Variants in NKAIN2 observed in about 807,000 individuals in gnomAD.
NKAIN2 encodes the protein sodium/potassium-transporting ATPase subunit beta-1-interacting protein 2.
Under a neutral mutation model 32.6 loss-of-function variants are expected in NKAIN2, and 14 were observed. That is an observed-to-expected ratio of 0.43 (90% CI 0.28 to 0.67). NKAIN2 has a LOEUF of 0.67. Among genes scored for constraint, NKAIN2 ranks in the 30% least tolerant of loss-of-function variants. The probability of loss-of-function intolerance (pLI) is 0.17; values close to 1 mark genes in which losing one functional copy is unlikely to be tolerated. For synonymous variants in NKAIN2, 80 were observed against 87.2 expected (o/e 0.92, Z 0.46); for missense variants, 198 against 258.3 (o/e 0.77, Z 1.60).
chr6:124,004,902 A>T (rs1042592256), intron 1 of NKAIN2, among the ~76,000 whole-genome samples: 1 of 46,246 alleles, frequency 2.2e-5, no homozygotes, highest in Non-Finnish European at 3.9e-5. Context: ...AAAGAAAGTA[A>T]AAAAAAAAAA....
chr6:124,470,322 G>T (rs1444472534), intron 3 of NKAIN2, among the ~76,000 whole-genome samples: 1 of 152,068 alleles, frequency 6.6e-6, no homozygotes, highest in East Asian at 1.9e-4. Flanking sequence ...ATTAACTCAA[G>T]ATAAATAATT....
intron 1 of NKAIN2, among the ~76,000 whole-genome samples, chr6:123,903,485 A>G (rs1240286597): frequency 1.3e-5 from 2 of 152,194 alleles, no homozygotes; most frequent in East Asian, 1.9e-4. Context: ...CCTTTTGTAT[A>G]TTCAAGTAGA....
At chr6:124,048,255 A>G (rs1782236208) in intron 1 of NKAIN2, among the ~76,000 whole-genome samples, 1 of 151,960 alleles carries the variant, frequency 6.6e-6, no homozygotes, top group African/African-American at 2.4e-5. Context: ...GGATCAAGCT[A>G]TTTTGGGGCT....
chr6:124,517,741 A>C (rs191115154), intron 3 of NKAIN2, among the ~76,000 whole-genome samples: 191 of 152,284 alleles, frequency 1.3e-3, no homozygotes, highest in African/African-American at 4.0e-3. Context: ...CTGAGTTTTT[A>C]AAATGTTAAT....
chr6:123,808,680 G>A (rs1306639229), intron 1 of NKAIN2, among the ~76,000 whole-genome samples: 2 of 152,150 alleles, frequency 1.3e-5, no homozygotes, highest in Non-Finnish European at 2.9e-5. Flanking sequence ...TAAAGGCTTG[G>A]ATGGGCAGCA....
intron 3 of NKAIN2, among the ~76,000 whole-genome samples, chr6:124,451,923 G>T (rs188783845): frequency 1.3e-5 from 2 of 151,344 alleles, no homozygotes; most frequent in Non-Finnish European, 3.0e-5. Flanking sequence ...GCTCGACATG[G>T]TGGCTCAAAG....
intron 1 of NKAIN2, among the ~76,000 whole-genome samples, chr6:124,077,716 C>A (rs1783756720): frequency 6.6e-6 from 1 of 151,852 alleles, no homozygotes; most frequent in African/African-American, 2.4e-5. Context: ...CTAGCCTCAG[C>A]CTGCCTCCCT....
chr6:124,016,299 A>G (rs1780570867), intron 1 of NKAIN2, among the ~76,000 whole-genome samples: 1 of 152,208 alleles, frequency 6.6e-6, no homozygotes, highest in Non-Finnish European at 1.5e-5. Context: ...AAGCAGTTGT[A>G]CTGTCAAAAA....
intron 1 of NKAIN2, among the ~76,000 whole-genome samples, chr6:123,986,977 A>C (rs1408657003): frequency 6.6e-6 from 1 of 152,212 alleles, no homozygotes; most frequent in Non-Finnish European, 1.5e-5. Flanking sequence ...GAGGACTATA[A>C]CGTGAATATC....
At chr6:124,464,934 A>G (rs777516782) in intron 3 of NKAIN2, among the ~76,000 whole-genome samples, 97 of 152,174 alleles carry the variant, frequency 6.4e-4, no homozygotes, top group Non-Finnish European at 4.9e-4. Flanking sequence ...TGGGGATAGC[A>G]TTGAATCTAT....
At position 124,700,053 on chromosome 6, in the gene NKAIN2, A is replaced by T. The variant is rs528537831; in HGVS notation, c.474+41667A>T. ...GCAGAATTCTCTGCTCAGAAAAAAT[A>T]CATAAAGAAGTGTGTATTTATAAAG... On this transcript the variant is annotated intron_variant, in intron 4 of 6. Coordinates refer to ENST00000368417, the MANE Select transcript of NKAIN2 (RefSeq NM_001040214.3). Among the ~76,000 whole-genome samples, 3 of 152,334 alleles carry T rather than the reference A, an allele frequency of 2.0e-5. No homozygotes were observed. In the East Asian group the frequency reaches 5.8e-4, roughly 29 times the overall value.
At chr6:123,932,813 T>G (rs1203675529) in intron 1 of NKAIN2, among the ~76,000 whole-genome samples, 1 of 152,000 alleles carries the variant, frequency 6.6e-6, no homozygotes, top group African/African-American at 2.4e-5. Context: ...TCCTTTCATT[T>G]TGCATCACCA....
At chr6:124,093,667 T>C (rs1784523902) in intron 1 of NKAIN2, among the ~76,000 whole-genome samples, 1 of 152,114 alleles carries the variant, frequency 6.6e-6, no homozygotes, top group Non-Finnish European at 1.5e-5. Context: ...TCATATGAAG[T>C]CTATGGTCCT....
At chr6:124,644,549 C>A (rs1396152762) in intron 3 of NKAIN2, among the ~76,000 whole-genome samples, 2 of 152,002 alleles carry the variant, frequency 1.3e-5, no homozygotes, top group Non-Finnish European at 2.9e-5. Context: ...GGACTACAGG[C>A]ATGTGGCACC....
intron 1 of NKAIN2, among the ~76,000 whole-genome samples, chr6:124,251,295 A>G (rs956647154): frequency 6.6e-6 from 1 of 152,030 alleles, no homozygotes; most frequent in African/African-American, 2.4e-5. Flanking sequence ...AAACTAAAAA[A>G]TGGAAAAATA....
intron 3 of NKAIN2, among the ~76,000 whole-genome samples, chr6:124,384,880 C>T (rs1772824484): frequency 6.6e-6 from 1 of 152,256 alleles, no homozygotes; most frequent in East Asian, 1.9e-4. Context: ...GCTTCAGCCT[C>T]CTAAAGTGCT....
chr6:124,454,712 C>G (rs931373797), intron 3 of NKAIN2, among the ~76,000 whole-genome samples: 10 of 151,988 alleles, frequency 6.6e-5, no homozygotes, highest in Non-Finnish European at 1.2e-4. Flanking sequence ...CTGAGTTGTT[C>G]TGCTAGGAAT....
chr6:124,422,116 TTATGGTA>T (rs1774781932), intron 3 of NKAIN2, among the ~76,000 whole-genome samples: 1 of 152,096 alleles, frequency 6.6e-6, no homozygotes, highest in Admixed American at 6.6e-5. Flanking sequence ...ATTAAATAGT[TTATGGTA>T]TAAAATATTA....
intron 1 of NKAIN2, among the ~76,000 whole-genome samples, chr6:124,215,168 C>T (rs1791401558): frequency 6.6e-6 from 1 of 151,988 alleles, no homozygotes; most frequent in South Asian, 2.1e-4. Flanking sequence ...CACTTTAGAA[C>T]TCAAATATTT....
Sources: allele counts gnomAD v4.1 joint callset (sites outside exome capture counted in the v4.1 genomes callset), GRCh38; gene constraint gnomAD v4.1.1; transcripts MANE v1.5; gene names NCBI Gene and HGNC (gene_info 2026-07-23, HGNC 2026-07-21).